Variants in PALLD observed in about 807,000 individuals in gnomAD.
PALLD encodes the protein palladin.
PALLD carries 61 observed loss-of-function variants against 123.5 expected under a neutral mutation model. The ratio of observed to expected loss-of-function variants is 0.49; its 90% CI spans 0.40 to 0.61. The LOEUF (loss-of-function observed/expected upper bound fraction) is 0.61. PALLD is among the 20% of genes least tolerant of loss of function. PALLD has a pLI of 0.00. For synonymous variants in PALLD, 465 were observed against 496.4 expected (o/e 0.94, Z 0.84); for missense variants, 1,273 against 1,377.0 (o/e 0.92, Z 1.20).
intron 5 of PALLD, among the ~76,000 whole-genome samples, chr4:168,684,334 T>A (rs1342508396): frequency 6.6e-6 from 1 of 152,176 alleles, no homozygotes; most frequent in African/African-American, 2.4e-5. Flanking sequence ...TTACCCCATG[T>A]TTATAGTTGG....
At position 168,914,007 on chromosome 4, in the gene PALLD, T is replaced by C; in HGVS notation, c.2703T>C (p.His901=). 1 of 1,602,472 alleles carries C rather than the reference T, an allele frequency of 6.2e-7. No individual in the cohort carries two copies. Among genetic ancestry groups the C allele is most frequent in the Non-Finnish European group, 8.6e-7 (1 of 1,169,450 alleles). Residue 901 remains histidine, a synonymous_variant, in exon 16 of 22, where the codon CAT becomes CAC. Coordinates refer to ENST00000505667, the MANE Select transcript of PALLD (RefSeq NM_001166108.2). ...RGRSPRSPSG[H]PHVRRPRSRS... is the part of the protein sequence containing the mutation. ...GAAGTCCCCGGTCTCCCTCAGGCCATCCTCATGTCAGAAGGTATTTAACAT... is the reference window on the plus strand; with the variant it reads ...GAAGTCCCCGGTCTCCCTCAGGCCACCCTCATGTCAGAAGGTATTTAACAT...
At chr4:168,806,221 C>G (rs1254701227) in intron 10 of PALLD, among the ~76,000 whole-genome samples, 1 of 152,144 alleles carries the variant, frequency 6.6e-6, no homozygotes, top group Non-Finnish European at 1.5e-5. Flanking sequence ...TGTGCCACCA[C>G]GCCTGGCTAA....
At chr4:168,911,787 C>CAT (rs1167902748) in intron 15 of PALLD, among the ~76,000 whole-genome samples, 2 of 152,220 alleles carry the variant, frequency 1.3e-5, no homozygotes, top group African/African-American at 4.8e-5. Context: ...AATTCTCCTT[C>CAT]ATAATGTTAG....
chr4:168,698,796 C>T (rs1034708434), intron 8 of PALLD, among the ~76,000 whole-genome samples: 4 of 152,056 alleles, frequency 2.6e-5, no homozygotes, highest in African/African-American at 9.7e-5. Context: ...GATTTGTGCT[C>T]ACTACTTAAT....
At chr4:168,785,050 C>T (rs62334296) in intron 10 of PALLD, among the ~76,000 whole-genome samples, 1 of 131,562 alleles carries the variant, frequency 7.6e-6, no homozygotes, top group East Asian at 2.2e-4. Flanking sequence ...GCTTTTTTCT[C>T]CCTTTTGCTT....
intron 2 of PALLD, among the ~76,000 whole-genome samples, chr4:168,623,231 G>A (rs1420834174): frequency 1.3e-5 from 2 of 152,174 alleles, no homozygotes; most frequent in African/African-American, 4.8e-5. Flanking sequence ...GATCCAAAGA[G>A]ATCACATGTC....
At chr4:168,624,224 A>G (rs971573967) in intron 2 of PALLD, among the ~76,000 whole-genome samples, 11 of 152,214 alleles carry the variant, frequency 7.2e-5, no homozygotes, top group African/African-American at 2.7e-4. Flanking sequence ...ACATTAAAAA[A>G]AGTAATTACC....
intron 2 of PALLD, among the ~76,000 whole-genome samples, chr4:168,626,506 T>C (rs1296373717): frequency 6.7e-6 from 1 of 149,922 alleles, no homozygotes; most frequent in East Asian, 2.0e-4. Flanking sequence ...GCCCAGGAGA[T>C]AGAGACCATC....
intron 2 of PALLD, among the ~76,000 whole-genome samples, chr4:168,538,006 A>G (rs892914911): frequency 6.6e-6 from 1 of 152,238 alleles, no homozygotes; most frequent in Non-Finnish European, 1.5e-5. Flanking sequence ...ACTTTCTGTG[A>G]CATATTTTAT....
intron 10 of PALLD, among the ~76,000 whole-genome samples, chr4:168,750,400 A>G (rs919136856): frequency 1.3e-5 from 2 of 152,188 alleles, no homozygotes; most frequent in Non-Finnish European, 2.9e-5. Flanking sequence ...GTGTGTATGT[A>G]CCACATTTTC....
rs1746474107 is a variant in PALLD at position 168,844,260 on chromosome 4, A to T, written c.1965-46662A>T. ...TGCCTAGAAATAAAGACCACCCTTGACTGGGCTTTTTCTACCCAAGTCCAA... is the reference window on the plus strand; with the variant it reads ...TGCCTAGAAATAAAGACCACCCTTGTCTGGGCTTTTTCTACCCAAGTCCAA... On this transcript the variant is annotated intron_variant, in intron 10 of 21. Transcript: ENST00000505667. The surrounding 1 kb of genome is among the most constrained non-coding windows in gnomAD (Gnocchi z 4.5). 1 of 152,228 alleles carries T rather than the reference A, an allele frequency of 6.6e-6. No individual in the cohort carries two copies. The highest frequency in any genetic ancestry group is 1.5e-5 in the Non-Finnish European group (1 of 68,034). 9.4% of individuals were successfully genotyped at this position (152,228 alleles called of 1,614,324 possible).
rs540349284 is a variant in PALLD, at chr4:168,837,133, G to T, written c.1965-53789G>T. 6.6e-4 allele frequency among the ~76,000 whole-genome samples: 100 copies of T among 152,304 alleles called. No individual in the cohort carries two copies. The Middle Eastern group carries it at 0.014, about 21-fold the overall frequency. Reference sequence around the variant, plus strand: ...CCCTGGACTGCAGAGCGATGGGGAGGGGGGATCCTGGCAGTAGCTGGCTTT... The same window carrying T: ...CCCTGGACTGCAGAGCGATGGGGAGTGGGGATCCTGGCAGTAGCTGGCTTT... On this transcript the variant is annotated intron_variant, in intron 10 of 21. Transcript: ENST00000505667.
chr4:168,681,383 C>T lies in PALLD; in HGVS notation c.1139C>T (p.Ala380Val), dbSNP rs1580934238. 6 of 1,604,298 alleles carry T rather than the reference C, an allele frequency of 3.7e-6. No homozygotes were observed. Among genetic ancestry groups the T allele is most frequent in the Non-Finnish European group, 5.1e-6 (6 of 1,171,378 alleles). The change falls in exon 4 of 22, where the codon GCT becomes GTT. Residue 380 changes from alanine to valine, a missense_variant. Ala to Val is a moderately conservative substitution (Grantham distance 64). Coordinates refer to ENST00000505667, the MANE Select transcript of PALLD (RefSeq NM_001166108.2). ...GAAAGTTTAGCTTTCAAATCAAGAG[C>T]TGGAGCTATGCCACAGTAAGTGCCT... is the stretch of plus-strand genomic sequence containing the variant. Reference protein sequence around the residue: ...DSESLAFKSRAGAMPQAQKKT... With the variant: ...DSESLAFKSRVGAMPQAQKKT...
intron 5 of PALLD, 114 bp from the exon 6 acceptor site, chr4:168,685,371 T>G: frequency 2.6e-6 from 2 of 773,780 alleles, no homozygotes; most frequent in Non-Finnish European, 4.7e-6. Flanking sequence ...TGGTGGTACT[T>G]TCATTCACTC....
chr4:168,499,180 CAAAAAAAAAAAA>C (rs1157137965), intron 1 of PALLD, among the ~76,000 whole-genome samples: 7 of 16,382 alleles, frequency 4.3e-4, no homozygotes, highest in Admixed American at 1.1e-3. Flanking sequence ...CCCTTTGTAG[CAAAAAAAAAAAA>C]AAAAAAAAAA....
At chr4:168,838,034 A>G (rs187090926) in intron 10 of PALLD, among the ~76,000 whole-genome samples, 25 of 152,324 alleles carry the variant, frequency 1.6e-4, no homozygotes, top group Admixed American at 1.2e-3. Context: ...GACAGCTGTG[A>G]GATAACAAAA....
chr4:168,745,056 T>C, intron 10 of PALLD, among the ~76,000 whole-genome samples: 1 of 152,206 alleles, frequency 6.6e-6, no homozygotes, highest in East Asian at 1.9e-4. Context: ...CTCTACCTCT[T>C]TAGTTCAGCT....
Position 168,575,967 on chromosome 4 carries a change from A to C in PALLD, c.908+63555A>C, listed in dbSNP as rs1223216935. ...GCAGAAATCTATATTTTTAATGAGG[A>C]GCTCCAGGTATTTCTATTACAGGTA... On this transcript the variant is annotated intron_variant, in intron 2 of 21. Transcript: ENST00000505667. 6.6e-5 allele frequency among the ~76,000 whole-genome samples: 10 copies of C among 152,104 alleles called. No individual in the cohort carries two copies. The South Asian group carries it at 1.9e-3, about 28-fold the overall frequency.
At chr4:168,744,129 C>T (rs929915257) in intron 10 of PALLD, among the ~76,000 whole-genome samples, 8 of 152,140 alleles carry the variant, frequency 5.3e-5, no homozygotes, top group African/African-American at 1.9e-4. Flanking sequence ...CACTCTGGGG[C>T]AGTCACTTCA....
Sources: allele counts gnomAD v4.1 joint callset (sites outside exome capture counted in the v4.1 genomes callset), GRCh38; gene constraint gnomAD v4.1.1; non-coding constraint Gnocchi (gnomAD v3.1); transcripts MANE v1.5; gene names NCBI Gene and HGNC (gene_info 2026-07-23, HGNC 2026-07-21).